ASTN2: variants seen among roughly 807,000 people sequenced by gnomAD.
ASTN2 encodes astrotactin 2, also known as astrotactin-2.
Under a neutral mutation model 139.8 loss-of-function variants are expected in ASTN2, and 54 were observed. That is an observed-to-expected ratio of 0.39 (90% confidence interval 0.31 to 0.48). ASTN2 has a LOEUF of 0.48. Among genes scored for constraint, ASTN2 ranks in the 20% least tolerant of loss-of-function variants. ASTN2 has a pLI of 0.95. For missense variants in ASTN2, 1,565 were observed against 1,725.1 expected (o/e 0.91, Z 1.64); for synonymous variants, 756 against 719.5 (o/e 1.05, Z -0.81).
At chr9:116,437,523 C>T (rs1414707545) in intron 22 of ASTN2, 1 of 471,238 alleles carries the variant, frequency 2.1e-6, no homozygotes, top group African/African-American at 2.0e-5. Context: ...ATTGCCTGGC[C>T]TCTGTGGGCG....
intron 1 of ASTN2, among the ~76,000 whole-genome samples, chr9:117,315,414 C>T (rs369515323): frequency 2.1e-4 from 32 of 152,272 alleles, no homozygotes; most frequent in African/African-American, 7.0e-4. Flanking sequence ...CTCTCCCAGC[C>T]GCCAACCATG....
At chr9:116,612,260 C>G (rs1197566288) in intron 19 of ASTN2, 1 of 152,122 alleles carries the variant, frequency 6.6e-6, no homozygotes, top group South Asian at 2.1e-4. Context: ...TAGACTCCCA[C>G]ACAATAATAA....
chr9:117,399,521 C>T (rs918988536), intron 1 of ASTN2, among the ~76,000 whole-genome samples: 2 of 152,090 alleles, frequency 1.3e-5, no homozygotes, highest in African/African-American at 4.8e-5. Flanking sequence ...GTTTTAACTT[C>T]GATAGAGACA....
intron 11 of ASTN2, among the ~76,000 whole-genome samples, chr9:116,838,273 C>A (rs1017438103): frequency 1.3e-5 from 2 of 151,778 alleles, no homozygotes; most frequent in Non-Finnish European, 2.9e-5. Context: ...ACACGCCTGG[C>A]TAATTCTGTA....
chr9:116,925,629 C>G (rs895887244), intron 10 of ASTN2, among the ~76,000 whole-genome samples: 1 of 151,854 alleles, frequency 6.6e-6, no homozygotes, highest in Non-Finnish European at 1.5e-5. Context: ...GCATTACCTG[C>G]AGTTCCTGAG....
intron 13 of ASTN2, among the ~76,000 whole-genome samples, chr9:116,748,340 C>T (rs1268088056): frequency 2.0e-5 from 3 of 149,506 alleles, no homozygotes; most frequent in Non-Finnish European, 4.4e-5. Context: ...TGAGGGGGCA[C>T]CTCTTAGTCC....
In ASTN2 at chr9:117,247,535, G is replaced by A. The variant is rs190056302; in HGVS notation, c.631-32793C>T. On this transcript the variant is annotated intron_variant, in intron 2 of 22. Transcript: ENST00000313400. The stretch of plus-strand genomic sequence containing the variant: ...ACAGGAGCAAGAGTCTTGAGTATGG[G>A]ATGATTTGTCCCAAATACAGTCCTC... 2.4e-4 allele frequency among the ~76,000 whole-genome samples: 37 copies of A among 152,324 alleles called. 1 individual carries two copies. The South Asian group carries it at 7.3e-3, about 30-fold the overall frequency.
At chr9:116,869,251 A>G (rs1588369482) in intron 10 of ASTN2, among the ~76,000 whole-genome samples, 1 of 152,180 alleles carries the variant, frequency 6.6e-6, no homozygotes, top group East Asian at 1.9e-4. Flanking sequence ...AATCTGTTAT[A>G]ACCTTTTCTT....
At chr9:116,700,304 C>T (rs1861109149) in intron 16 of ASTN2, 1 of 168,902 alleles carries the variant, frequency 5.9e-6, no homozygotes, top group Non-Finnish European at 1.4e-5. Context: ...GAAGCAGTAC[C>T]TCTCGCCTGG....
intron 1 of ASTN2, among the ~76,000 whole-genome samples, chr9:117,348,114 A>G (rs544879127): frequency 4.0e-4 from 61 of 152,336 alleles, no homozygotes; most frequent in African/African-American, 1.4e-3. Context: ...GCATGAAGGT[A>G]GGTAACTGGG....
At chr9:117,084,035 A>AG (rs1828498377) in intron 5 of ASTN2, among the ~76,000 whole-genome samples, 1 of 108,322 alleles carries the variant, frequency 9.2e-6, no homozygotes, top group Non-Finnish European at 1.8e-5. Flanking sequence ...GGGATCTTTA[A>AG]GAAAAAAAAA....
chr9:116,568,482 T>A (rs1853348321), intron 19 of ASTN2: 1 of 152,196 alleles, frequency 6.6e-6, no homozygotes, highest in South Asian at 2.1e-4. Flanking sequence ...AGAACCTGAA[T>A]CGGTAGCCAA....
intron 13 of ASTN2, among the ~76,000 whole-genome samples, chr9:116,751,158 C>T (rs906264668): frequency 6.6e-6 from 1 of 152,138 alleles, no homozygotes; most frequent in African/African-American, 2.4e-5. Flanking sequence ...TTACTTCACT[C>T]ATAAAATGAG....
chr9:116,956,506 C>G (rs1024910604), intron 10 of ASTN2, among the ~76,000 whole-genome samples: 4 of 148,570 alleles, frequency 2.7e-5, no homozygotes, highest in African/African-American at 9.8e-5. Flanking sequence ...ACTTACAGAA[C>G]AGTTGTAAAA....
At chr9:116,823,072 C>T (rs1278238162) in intron 11 of ASTN2, among the ~76,000 whole-genome samples, 2 of 152,184 alleles carry the variant, frequency 1.3e-5, no homozygotes, top group Non-Finnish European at 2.9e-5. Flanking sequence ...TCCTCTAGAG[C>T]CTCCAGAAGG....
At chr9:116,978,006 C>A (rs1836401313) in intron 7 of ASTN2, among the ~76,000 whole-genome samples, 1 of 152,130 alleles carries the variant, frequency 6.6e-6, no homozygotes, top group Non-Finnish European at 1.5e-5. Flanking sequence ...TGTGAGCCAC[C>A]ACGCCTGGCC....
intron 16 of ASTN2, among the ~76,000 whole-genome samples, chr9:116,693,844 C>A (rs1860699016): frequency 6.6e-6 from 1 of 152,176 alleles, no homozygotes; most frequent in Admixed American, 6.5e-5. Context: ...CTATCTGAGT[C>A]ATTCTCAGTA....
chr9:116,838,838 T>G (rs1480310918), intron 11 of ASTN2, among the ~76,000 whole-genome samples: 1 of 152,196 alleles, frequency 6.6e-6, no homozygotes. Context: ...AGACTTTCAG[T>G]GCTAACTGCT....
chr9:116,512,519 C>A (rs575725802), intron 19 of ASTN2, among the ~76,000 whole-genome samples: 1 of 151,998 alleles, frequency 6.6e-6, no homozygotes, highest in South Asian at 2.1e-4. Flanking sequence ...CTATTAGGTC[C>A]GCTTGGTGTA....
Sources: gnomAD v4.1 joint callset for allele counts (sites outside exome capture counted in the v4.1 genomes callset) on GRCh38, gnomAD v4.1.1 for gene constraint, MANE v1.5 for transcripts, NCBI Gene and HGNC (gene_info 2026-07-23, HGNC 2026-07-21) for gene names.